The following COL5A3 variants were observed in gnomAD, a reference collection of about 807,000 sequenced individuals.
COL5A3 encodes the protein collagen alpha-3(V) chain.
In COL5A3, 172 loss-of-function variants were observed where a neutral mutation model predicts 250.0. That is an observed-to-expected ratio of 0.69 (90% CI 0.61 to 0.78). The LOEUF is 0.78. Among genes scored for constraint, COL5A3 ranks in the 30% least tolerant of loss-of-function variants. COL5A3 has a pLI of 0.00. For missense variants in COL5A3, 2,340 were observed against 2,334.4 expected, an observed-to-expected ratio of 1.00 and a Z score of -0.05; for synonymous variants, 937 against 900.4, an observed-to-expected ratio of 1.04 and a Z score of -0.73.
intron 31 of COL5A3, among the ~76,000 whole-genome samples, chr19:9,984,027 A>AT (rs200106197): frequency 0.053 from 7,881 of 148,738 alleles, 302 homozygotes; most frequent in East Asian, 0.16. Context: ...CCAAATGTCT[A>AT]TTTTTTTTTT....
chr19:10,009,320 C>G lies in COL5A3; in HGVS notation c.88+978G>C, dbSNP rs1033855489. Among the ~76,000 whole-genome samples the G allele has an allele frequency of 1.3e-4, 20 of 152,028 alleles. No homozygotes were observed. The highest frequency in any genetic ancestry group is 2.5e-4 in the Non-Finnish European group (17 of 67,994). ...AGAAGCTACGCCATCCCCTGACTCC[C>G]GAAGCGCCCCCCACTCTGAACCCTG... is the stretch of plus-strand genomic sequence containing the variant. On this transcript the variant is annotated intron_variant, in intron 1 of 66. Transcript: ENST00000264828. This position sits in a 1 kb window ranked among gnomAD's most constrained non-coding sequence, Gnocchi z 4.4.
intron 20 of COL5A3, 64 bp downstream of exon 20, chr19:9,992,959 G>A (rs2087215595): frequency 5.0e-6 from 8 of 1,605,850 alleles, no homozygotes; most frequent in Non-Finnish European, 6.8e-6. Flanking sequence ...GAGTCCTGGG[G>A]CCCTGGGAGT....
At chr19:9,985,262 ATTT>A (rs61409571) in intron 31 of COL5A3, among the ~76,000 whole-genome samples, 1 of 128,124 alleles carries the variant, frequency 7.8e-6, no homozygotes, top group Non-Finnish European at 1.7e-5. Flanking sequence ...CATCTGGCTA[ATTT>A]TTTTTTTTTT....
At chr19:9,988,847 A>AGAGAGAG (rs2087141372) in intron 27 of COL5A3, among the ~76,000 whole-genome samples, 5 of 78,884 alleles carry the variant, frequency 6.3e-5, no homozygotes, top group Admixed American at 6.1e-4. Context: ...AAAAAAAAAA[A>AGAGAGAG]AAAAAAAAAA....
At chr19:10,001,012 GAAAT>G (rs1401424881) in intron 8 of COL5A3, among the ~76,000 whole-genome samples, 1 of 151,964 alleles carries the variant, frequency 6.6e-6, no homozygotes, top group Non-Finnish European at 1.5e-5. Flanking sequence ...CCTGAGTAAT[GAAAT>G]AAATAATCTG....
intron 44 of COL5A3, 138 bp downstream of exon 44, chr19:9,977,091 G>A (rs2086932469): frequency 7.4e-6 from 6 of 806,876 alleles, no homozygotes; most frequent in African/African-American, 3.4e-5. Flanking sequence ...TCTGTTGCAT[G>A]TAATTGTCAA....
rs1275483711 is a variant in COL5A3 at position 9,980,044 on chromosome 19, G to A, written c.2608C>T (p.Leu870Phe). 1 of 1,595,484 alleles carries A rather than the reference G, an allele frequency of 6.3e-7. No homozygotes were observed. Among genetic ancestry groups the A allele is most frequent in the Non-Finnish European group, 8.5e-7 (1 of 1,175,300 alleles). The change falls in exon 36 of 67, where the codon CTC becomes TTC. Residue 870 changes from leucine (L) to phenylalanine (F), a missense_variant. Physicochemically the swap from Leu to Phe is conservative, Grantham distance 22. Transcript: ENST00000264828. ...CCTGGAGGGCCTTGCAGACCAGGGA[G>A]GCCCTGAAATGGAAACAGAAATCAT... is the stretch of plus-strand genomic sequence containing the variant. ...GAPGIPGEKG[L>F]PGLQGPPGFP...
At chr19:9,962,048 T>C (rs1397436493) in intron 65 of COL5A3, among the ~76,000 whole-genome samples, 2 of 152,066 alleles carry the variant, frequency 1.3e-5, no homozygotes, top group East Asian at 3.8e-4. Flanking sequence ...GTACTATAAA[T>C]GTAAAATCTC....
intron 32 of COL5A3, among the ~76,000 whole-genome samples, chr19:9,981,833 C>T (rs756011261): frequency 3.9e-5 from 6 of 152,302 alleles, no homozygotes; most frequent in South Asian, 4.1e-4. Context: ...CCTGTCTCAT[C>T]GATATTGAAA....
intron 1 of COL5A3, among the ~76,000 whole-genome samples, chr19:10,007,619 C>A (rs76280521): frequency 0.023 from 3,466 of 152,258 alleles, 64 homozygotes; most frequent in South Asian, 0.058. Flanking sequence ...AGCCTCTTGG[C>A]GGGAGCTGGA....
At chr19:9,974,639 A>G (rs73003465) in intron 45 of COL5A3, among the ~76,000 whole-genome samples, 3,984 of 152,192 alleles carry the variant, frequency 0.026, 82 homozygotes, top group Middle Eastern at 0.041. Flanking sequence ...GTTGAGGTTC[A>G]GTTCTTGGGC....
intron 8 of COL5A3, 123 bp from the exon 9 acceptor site, chr19:9,998,272 G>A: frequency 3.0e-6 from 3 of 989,428 alleles, no homozygotes; most frequent in Non-Finnish European, 3.0e-6. Flanking sequence ...TCCACCCTCA[G>A]AGCCCCTTCT....
Position 9,960,863 on chromosome 19 carries a change from G to T in COL5A3, c.4879C>A (p.Pro1627Thr), listed in dbSNP as rs2086663265. 5 of 1,608,770 alleles carry T rather than the reference G, an allele frequency of 3.1e-6. No homozygotes were observed. Among genetic ancestry groups the T allele is most frequent in the Non-Finnish European group, 4.2e-6 (5 of 1,179,990 alleles). Reference protein sequence around the residue: ...KFSYVDADGSPVNVVQLNFLK... With the variant: ...KFSYVDADGSTVNVVQLNFLK... ...AAGTTCAGCTGCACGACATTCACTGGGGACCCGTCGGCGTCCACGTAGGAG... is the reference window on the plus strand; with the variant it reads ...AAGTTCAGCTGCACGACATTCACTGTGGACCCGTCGGCGTCCACGTAGGAG... Residue 1627 changes from proline (P) to threonine (T), a missense_variant, in exon 66 of 67, where the codon CCA becomes ACA. Pro to Thr is a conservative substitution (Grantham distance 38). Coordinates refer to ENST00000264828, the MANE Select transcript of COL5A3 (RefSeq NM_015719.4).
chr19:9,987,619 G>A (rs2087118688), intron 27 of COL5A3, among the ~76,000 whole-genome samples: 1 of 151,914 alleles, frequency 6.6e-6, no homozygotes, highest in South Asian at 2.1e-4. Context: ...ATGTGGTGAC[G>A]TGCACCTATA....
chr19:9,989,736 G>T (rs750526153), intron 24 of COL5A3, among the ~76,000 whole-genome samples: 4 of 152,170 alleles, frequency 2.6e-5, no homozygotes, highest in African/African-American at 4.8e-5. Context: ...CTCTGGGAAG[G>T]TTGCAAGGAA....
chr19:9,962,062 C>T (rs150160822), intron 65 of COL5A3, among the ~76,000 whole-genome samples: 1 of 151,606 alleles, frequency 6.6e-6, no homozygotes, highest in East Asian at 1.9e-4. Flanking sequence ...AAATCTCCAT[C>T]AGATTTTGAA....
At chr19:9,972,706 C>T (rs2086869950) in intron 51 of COL5A3, among the ~76,000 whole-genome samples, 1 of 152,066 alleles carries the variant, frequency 6.6e-6, no homozygotes, top group Non-Finnish European at 1.5e-5. Context: ...TGTGGTGGCG[C>T]GTGCCTGTAG....
intron 62 of COL5A3, 48 bp downstream of exon 62, chr19:9,967,299 C>A: frequency 7.4e-7 from 1 of 1,343,898 alleles, no homozygotes; most frequent in Non-Finnish European, 9.7e-7. Context: ...AGTCCTTGCT[C>A]TCCCCCCAGG....
In COL5A3 at chr19:9,960,559, T is replaced by A; in HGVS notation, c.5092-2A>T. Reference sequence around the variant, plus strand: ...GGTCTTCGTCTGTCCTTTCCGGAGCTGTCCCCAGAGAAGACAGAGACGGTG... The same window carrying A: ...GGTCTTCGTCTGTCCTTTCCGGAGCAGTCCCCAGAGAAGACAGAGACGGTG... On this transcript the variant is annotated splice_acceptor_variant, in intron 66 of 66. Coordinates refer to ENST00000264828, the MANE Select transcript of COL5A3 (RefSeq NM_015719.4). LOFTEE classifies it high-confidence loss of function. 1.2e-6 allele frequency: 2 copies of A among 1,614,202 alleles called. No individual in the cohort carries two copies. The highest frequency in any genetic ancestry group is 1.7e-6 in the Non-Finnish European group (2 of 1,180,042).
Sources: allele counts gnomAD v4.1 joint callset (sites outside exome capture counted in the v4.1 genomes callset), GRCh38; gene constraint gnomAD v4.1.1; non-coding constraint Gnocchi (gnomAD v3.1); transcripts MANE v1.5; gene names NCBI Gene and HGNC (gene_info 2026-07-23, HGNC 2026-07-21).